INPP4B: variants seen among roughly 807,000 people sequenced by gnomAD.
INPP4B encodes the protein inositol polyphosphate 4-phosphatase type II.
In INPP4B, 55 loss-of-function variants were observed where a neutral mutation model predicts 122.5. The observed-to-expected ratio is 0.45, with a 90% CI of 0.36 to 0.56. INPP4B has a LOEUF of 0.56. Ranked by LOEUF, INPP4B falls within the 20% of genes least tolerant of loss-of-function variation. The pLI, the probability that INPP4B is intolerant of heterozygous loss-of-function variation, is 0.00. For missense variants in INPP4B, 1,000 were observed against 1,097.7 expected, an observed-to-expected ratio of 0.91 and a Z score of 1.26; for synonymous variants, 403 against 388.7, an observed-to-expected ratio of 1.04 and a Z score of -0.43.
At chr4:142,059,397 T>G (rs1759427393) in intron 25 of INPP4B, among the ~76,000 whole-genome samples, 1 of 152,102 alleles carries the variant, frequency 6.6e-6, no homozygotes. Flanking sequence ...GAAATTCTGT[T>G]TCCATTAAGT....
At chr4:142,074,485 G>C (rs934975653) in intron 25 of INPP4B, among the ~76,000 whole-genome samples, 1 of 152,080 alleles carries the variant, frequency 6.6e-6, no homozygotes, top group Non-Finnish European at 1.5e-5. Context: ...ATTTGGAAAA[G>C]CAATCTGGCA....
chr4:142,042,223 A>G (rs1238793757), intron 25 of INPP4B, among the ~76,000 whole-genome samples: 4 of 152,184 alleles, frequency 2.6e-5, no homozygotes, highest in Non-Finnish European at 5.9e-5. Flanking sequence ...ATAGCAAAGC[A>G]ACCAATGCAC....
intron 5 of INPP4B, among the ~76,000 whole-genome samples, chr4:142,414,871 C>A (rs1805348596): frequency 6.6e-6 from 1 of 152,184 alleles, no homozygotes; most frequent in Admixed American, 6.5e-5. Flanking sequence ...CAAGTGTTTG[C>A]AGCTTTCTGC....
At position 142,759,825 on chromosome 4, in the gene INPP4B, TAA is replaced by T. The variant is rs70949188; in HGVS notation, c.-253-33926_-253-33925del. Among the ~76,000 whole-genome samples the T allele has an allele frequency of 2.1e-3, 148 of 70,032 alleles. 1 individual carries two copies. Among genetic ancestry groups the T allele is most frequent in the African/African-American group, 7.8e-3 (139 of 17,884 alleles). The allele number at this position is 70,032 out of a possible 152,430, so 45.9% of individuals were successfully genotyped here. A position where few individuals can be genotyped will look rare whatever the true frequency, so the allele number is the denominator to read the frequency against. On this transcript the variant is annotated intron_variant, in intron 1 of 25. Transcript: ENST00000262992. Reference sequence around the variant, plus strand: ...CCCAGAGCTTATATAGAGCTTTTTCTAAAAAAAAAAAAAAAAAAAAAAAAAAA... The same window carrying T: ...CCCAGAGCTTATATAGAGCTTTTTCTAAAAAAAAAAAAAAAAAAAAAAAAA...
chr4:142,186,306 A>G (rs932656453), intron 15 of INPP4B, among the ~76,000 whole-genome samples: 2 of 152,198 alleles, frequency 1.3e-5, no homozygotes, highest in East Asian at 1.9e-4. Context: ...GGTAAGCACT[A>G]TTATTTCCAC....
chr4:142,544,393 TG>T (rs1341768002), intron 2 of INPP4B, among the ~76,000 whole-genome samples: 1 of 151,898 alleles, frequency 6.6e-6, no homozygotes, highest in Non-Finnish European at 1.5e-5. Flanking sequence ...GGAAAGAGCA[TG>T]GAAAGAGACC....
chr4:142,393,253 T>A (rs557963204), intron 7 of INPP4B, among the ~76,000 whole-genome samples: 1 of 151,766 alleles, frequency 6.6e-6, no homozygotes. Flanking sequence ...AAAAAAAAAA[T>A]TATGGGAGGC....
intron 1 of INPP4B, among the ~76,000 whole-genome samples, chr4:142,782,276 TCCAATTTCATC>T (rs1239794822): frequency 1.3e-5 from 2 of 151,386 alleles, no homozygotes; most frequent in Non-Finnish European, 3.0e-5. Flanking sequence ...AATGATGATT[TCCAATTTCATC>T]CATGTCCCTA....
chr4:142,337,782 T>C (rs1403968023), intron 7 of INPP4B, among the ~76,000 whole-genome samples: 1 of 97,748 alleles, frequency 1.0e-5, no homozygotes, highest in South Asian at 4.4e-4. Flanking sequence ...TATATTTATA[T>C]AGTTTATGTA....
chr4:142,243,520 T>C (rs1860573315), intron 11 of INPP4B, among the ~76,000 whole-genome samples: 1 of 152,180 alleles, frequency 6.6e-6, no homozygotes, highest in Non-Finnish European at 1.5e-5. Flanking sequence ...GGGCCAATGT[T>C]ATAAGCCAAG....
At chr4:142,498,388 A>C (rs936546283) in intron 2 of INPP4B, among the ~76,000 whole-genome samples, 5 of 152,038 alleles carry the variant, frequency 3.3e-5, no homozygotes. Context: ...GATGGAAATA[A>C]ACTGAGATAA....
intron 25 of INPP4B, among the ~76,000 whole-genome samples, chr4:142,068,698 C>G (rs1166449458): frequency 6.6e-6 from 1 of 152,122 alleles, no homozygotes. Context: ...TCTGATAAAA[C>G]AGCCTTTAAA....
chr4:142,219,921 T>C (rs1412548083), intron 12 of INPP4B, among the ~76,000 whole-genome samples: 1 of 152,162 alleles, frequency 6.6e-6, no homozygotes, highest in Non-Finnish European at 1.5e-5. Context: ...TTCATAGCAA[T>C]CTTCTGAGAT....
At chr4:142,479,839 T>A (rs1480322016) in intron 2 of INPP4B, among the ~76,000 whole-genome samples, 1 of 152,066 alleles carries the variant, frequency 6.6e-6, no homozygotes, top group Non-Finnish European at 1.5e-5. Context: ...AGAGGATTGA[T>A]AAACCACCTA....
intron 9 of INPP4B, among the ~76,000 whole-genome samples, chr4:142,294,511 G>C (rs539491867): frequency 3.2e-4 from 48 of 151,958 alleles, no homozygotes; most frequent in African/African-American, 1.1e-3. Context: ...CTTGGACAAG[G>C]GATATAAAAA....
intron 7 of INPP4B, among the ~76,000 whole-genome samples, chr4:142,363,332 T>C (rs997635544): frequency 3.3e-5 from 5 of 151,634 alleles, no homozygotes; most frequent in Admixed American, 2.6e-4. Context: ...AAGGGGCATA[T>C]AAACAAATAT....
intron 7 of INPP4B, among the ~76,000 whole-genome samples, chr4:142,401,403 C>T (rs1225311044): frequency 6.6e-6 from 1 of 152,068 alleles, no homozygotes; most frequent in African/African-American, 2.4e-5. Context: ...GACAAAACTC[C>T]CAGGCAAATA....
chr4:142,823,617 C>A (rs1199981824), intron 1 of INPP4B, among the ~76,000 whole-genome samples: 1 of 152,086 alleles, frequency 6.6e-6, no homozygotes, highest in Non-Finnish European at 1.5e-5. Context: ...TCATATAAGT[C>A]ATTAAATATT....
At chr4:142,147,970 T>C (rs1034685831) in intron 17 of INPP4B, among the ~76,000 whole-genome samples, 7 of 152,180 alleles carry the variant, frequency 4.6e-5, no homozygotes, top group Admixed American at 2.0e-4. Context: ...TCTTGACATC[T>C]GGATTGGGAT....
Sources: allele counts gnomAD v4.1 joint callset (sites outside exome capture counted in the v4.1 genomes callset), GRCh38; gene constraint gnomAD v4.1.1; transcripts MANE v1.5; gene names NCBI Gene and HGNC (gene_info 2026-07-23, HGNC 2026-07-21).